Variants in MAPKAP1 observed in about 807,000 individuals in gnomAD.
The protein encoded by MAPKAP1 is target of rapamycin complex 2 subunit MAPKAP1.
MAPKAP1 carries 20 observed loss-of-function variants against 65.7 expected under a neutral mutation model. The ratio of observed to expected loss-of-function variants is 0.30; its 90% confidence interval spans 0.21 to 0.44. MAPKAP1 has a LOEUF of 0.44. Among genes scored for constraint, MAPKAP1 ranks in the 20% least tolerant of loss-of-function variants. MAPKAP1 has a pLI of 1.00. For synonymous variants in MAPKAP1, 222 were observed against 244.3 expected, an observed-to-expected ratio of 0.91 and a Z score of 0.85; for missense variants, 423 against 648.0, an observed-to-expected ratio of 0.65 and a Z score of 3.77.
chr9:125,689,219 C>T (rs998136404), intron 1 of MAPKAP1, among the ~76,000 whole-genome samples: 8 of 151,816 alleles, frequency 5.3e-5, no homozygotes, highest in Admixed American at 3.9e-4. Context: ...GGGCGGATCA[C>T]GAAGTCAGGA....
intron 1 of MAPKAP1, among the ~76,000 whole-genome samples, chr9:125,697,141 G>A (rs1377746804): frequency 6.6e-6 from 1 of 152,190 alleles, no homozygotes; most frequent in African/African-American, 2.4e-5. Flanking sequence ...GGAAAAGAAG[G>A]CTTTCCTGGG....
intron 4 of MAPKAP1, among the ~76,000 whole-genome samples, chr9:125,616,475 T>C (rs1832750853): frequency 6.6e-6 from 1 of 152,062 alleles, no homozygotes; most frequent in South Asian, 2.1e-4. Flanking sequence ...ATGGTTAGTA[T>C]CCAAACATAC....
chr9:125,670,904 T>C (rs1047164931), intron 2 of MAPKAP1, among the ~76,000 whole-genome samples: 6 of 152,244 alleles, frequency 3.9e-5, no homozygotes, highest in African/African-American at 1.4e-4. Context: ...TAGGAAATTA[T>C]ACACTTCTGC....
chr9:125,529,811 C>G (rs960003650), intron 7 of MAPKAP1, among the ~76,000 whole-genome samples: 1 of 152,192 alleles, frequency 6.6e-6, no homozygotes, highest in African/African-American at 2.4e-5. Context: ...CCTTACGGTG[C>G]TAATCCAATG....
chr9:125,661,253 G>A (rs1039602489), intron 3 of MAPKAP1, among the ~76,000 whole-genome samples: 8 of 152,292 alleles, frequency 5.3e-5, no homozygotes, highest in East Asian at 3.9e-4. Context: ...AACAGCGAAA[G>A]TCCTATGAAA....
chr9:125,470,792 C>T (rs886187299), intron 9 of MAPKAP1, among the ~76,000 whole-genome samples: 6 of 152,104 alleles, frequency 3.9e-5, no homozygotes, highest in South Asian at 2.1e-4. Flanking sequence ...ATCATTTAGA[C>T]GGTGTGTTCC....
intron 4 of MAPKAP1, among the ~76,000 whole-genome samples, chr9:125,608,869 A>T (rs1251796605): frequency 6.6e-6 from 1 of 152,262 alleles, no homozygotes; most frequent in East Asian, 1.9e-4. Context: ...CAAGAGAAAT[A>T]TACAAAGATG....
chr9:125,662,495 A>G (rs921765972), intron 3 of MAPKAP1, among the ~76,000 whole-genome samples: 1 of 152,168 alleles, frequency 6.6e-6, no homozygotes, highest in African/African-American at 2.4e-5. Flanking sequence ...CATCCTGGCT[A>G]AGAGGGTGAA....
rs1456092356 is a variant in MAPKAP1, at chr9:125,447,662, C to T, written c.1346-3064G>A. ...GCTCTGCCAGGAGCATGGGCTAGAG[C>T]AAAGGACAGAGAAATGAACACCGAG... is the stretch of plus-strand genomic sequence containing the variant. On this transcript the variant is annotated intron_variant, in intron 10 of 11. Transcript: ENST00000265960. The surrounding 1 kb of genome is among the most constrained non-coding windows in gnomAD (Gnocchi z 4.5). Among the ~76,000 whole-genome samples the T allele has an allele frequency of 6.6e-6, 1 of 152,132 alleles. No homozygotes were observed. The highest frequency in any genetic ancestry group is 2.4e-5 in the African/African-American group (1 of 41,416).
intron 4 of MAPKAP1, among the ~76,000 whole-genome samples, chr9:125,613,321 G>C (rs910186642): frequency 1.3e-5 from 2 of 152,188 alleles, no homozygotes; most frequent in African/African-American, 4.8e-5. Flanking sequence ...CCAACTGCTG[G>C]AAGGAATGCT....
intron 6 of MAPKAP1, among the ~76,000 whole-genome samples, chr9:125,546,562 C>T (rs755888763): frequency 1.4e-4 from 21 of 152,330 alleles, no homozygotes; most frequent in Non-Finnish European, 2.8e-4. Flanking sequence ...AGCTTGACTT[C>T]CAAACATTCT....
At chr9:125,492,710 C>T (rs755082500) in intron 8 of MAPKAP1, among the ~76,000 whole-genome samples, 4 of 152,204 alleles carry the variant, frequency 2.6e-5, no homozygotes, top group Non-Finnish European at 5.9e-5. Context: ...GAGTCTTACA[C>T]CAAGTCTAAA....
chr9:125,639,701 G>T (rs1017815537), intron 4 of MAPKAP1, among the ~76,000 whole-genome samples: 2 of 152,176 alleles, frequency 1.3e-5, no homozygotes, highest in African/African-American at 4.8e-5. Context: ...AAATGTTACA[G>T]AAGAGGTGAC....
intron 11 of MAPKAP1, among the ~76,000 whole-genome samples, chr9:125,444,123 C>A (rs1193686538): frequency 6.6e-6 from 1 of 152,162 alleles, no homozygotes; most frequent in Non-Finnish European, 1.5e-5. Flanking sequence ...TAATTATCTT[C>A]AAAACAATAA....
chr9:125,644,760 G>A (rs767198121), intron 4 of MAPKAP1, among the ~76,000 whole-genome samples: 3 of 152,074 alleles, frequency 2.0e-5, no homozygotes, highest in Non-Finnish European at 4.4e-5. Flanking sequence ...AGGATCTGCC[G>A]GGGTAGCAAA....
chr9:125,660,749 A>G (rs551938), intron 3 of MAPKAP1, among the ~76,000 whole-genome samples: 92,114 of 152,038 alleles, frequency 0.61, 29,551 homozygotes, highest in Non-Finnish European at 0.74. Context: ...AGCTATTCAG[A>G]ACCGTGGCAA....
Position 125,438,992 on chromosome 9 carries a change from C to T in MAPKAP1, c.1464G>A (p.Ser488=), listed in dbSNP as rs111458512. The part of the protein sequence containing the change: ...IVLKVNYILE[S]RASTARADYF... ...AGTCAGCCCGGGCAGTGCTAGCTCG[C>T]GATTCCAGGATGTAGTTAACCTAGA... Residue 488 remains serine, a synonymous_variant, in exon 12 of 12, where the codon TCG becomes TCA. Transcript: ENST00000265960. 1,130 of 1,613,894 alleles carry T rather than the reference C, an allele frequency of 7.0e-4. 8 individuals are homozygous for T. The African/African-American group carries it at 0.013, about 19-fold the overall frequency.
chr9:125,462,615 GGTTT>G (rs763043923), intron 10 of MAPKAP1, among the ~76,000 whole-genome samples: 9 of 152,130 alleles, frequency 5.9e-5, no homozygotes, highest in Non-Finnish European at 1.3e-4. Flanking sequence ...GAGCCCTCAG[GGTTT>G]GTTTAATGAC....
intron 7 of MAPKAP1, chr9:125,521,837 G>C (rs981578122): frequency 6.8e-7 from 1 of 1,463,778 alleles, no homozygotes; most frequent in Non-Finnish European, 9.5e-7. Context: ...CTACATGAAA[G>C]TGGTGACTCC....
Sources: gnomAD v4.1 joint callset for allele counts (sites outside exome capture counted in the v4.1 genomes callset) on GRCh38, gnomAD v4.1.1 for gene constraint, Gnocchi (gnomAD v3.1) non-coding constraint, MANE v1.5 for transcripts, NCBI Gene and HGNC (gene_info 2026-07-23, HGNC 2026-07-21) for gene names.